The following GRK5 variants were observed in gnomAD, a reference collection of about 807,000 sequenced individuals.
The protein encoded by GRK5 is G protein-coupled receptor kinase 5, also known as g protein-coupled receptor kinase GRK5.
Under a neutral mutation model 78.4 loss-of-function variants are expected in GRK5, and 40 were observed. The ratio of observed to expected loss-of-function variants is 0.51; its 90% CI spans 0.40 to 0.66. The LOEUF (loss-of-function observed/expected upper bound fraction) is 0.66. Among genes scored for constraint, GRK5 ranks in the 30% least tolerant of loss-of-function variants. The probability of loss-of-function intolerance (pLI) is 0.00; values close to 1 mark genes in which losing one functional copy is unlikely to be tolerated. For synonymous variants in GRK5, 289 were observed against 296.8 expected, an observed-to-expected ratio of 0.97 and a Z score of 0.27; for missense variants, 598 against 759.9, an observed-to-expected ratio of 0.79 and a Z score of 2.50.
intron 4 of GRK5, among the ~76,000 whole-genome samples, chr10:119,402,200 G>A (rs992297818): frequency 2.6e-5 from 4 of 152,202 alleles, no homozygotes; most frequent in South Asian, 2.1e-4. Context: ...GGCTCCCTGC[G>A]TACATTCCCA....
At chr10:119,416,484 T>C (rs1190013124) in intron 4 of GRK5, among the ~76,000 whole-genome samples, 1 of 152,256 alleles carries the variant, frequency 6.6e-6, no homozygotes, top group African/African-American at 2.4e-5. Flanking sequence ...GTGCTGACTC[T>C]GTCCTCCAGG....
At chr10:119,371,777 C>T (rs888549301) in intron 2 of GRK5, among the ~76,000 whole-genome samples, 7 of 152,258 alleles carry the variant, frequency 4.6e-5, no homozygotes, top group Non-Finnish European at 1.0e-4. Context: ...TAAAACCCAT[C>T]ATTTCCTGAG....
rs565691898 is a variant in GRK5, at chr10:119,238,276, CG to C, written c.52+30313del. 1.5e-3 allele frequency among the ~76,000 whole-genome samples: 224 copies of C among 152,124 alleles called. No homozygotes were observed. Among genetic ancestry groups the C allele is most frequent in the African/African-American group, 5.3e-3 (219 of 41,494 alleles). ...TCCTGGGTGGAGGGTGGACGGGAAG[CG>C]GGGGGCCTTCTGCTGAAGATCTCAA... On this transcript the variant is annotated intron_variant, in intron 1 of 15. Coordinates refer to ENST00000392870, the MANE Select transcript of GRK5 (RefSeq NM_005308.3). This position sits in a 1 kb window ranked among gnomAD's most constrained non-coding sequence, Gnocchi z 4.7.
At chr10:119,453,333 T>C in intron 15 of GRK5, 57 bp downstream of exon 15, 1 of 1,602,918 alleles carries the variant, frequency 6.2e-7, no homozygotes, top group Non-Finnish European at 8.5e-7. Flanking sequence ...CTGGCTCACT[T>C]CCATGGGAAA....
intron 4 of GRK5, among the ~76,000 whole-genome samples, chr10:119,421,416 C>T (rs1011961283): frequency 1.3e-5 from 2 of 152,240 alleles, no homozygotes; most frequent in African/African-American, 2.4e-5. Context: ...CAGCTCCTTC[C>T]TGTTTCAGAG....
chr10:119,359,555 G>C (rs562760689), intron 2 of GRK5, among the ~76,000 whole-genome samples: 1 of 152,340 alleles, frequency 6.6e-6, no homozygotes, highest in Non-Finnish European at 1.5e-5. Flanking sequence ...TCAGAGCAAA[G>C]ACCTGCAGAG....
chr10:119,426,699 A>G (rs1420451600), intron 6 of GRK5, among the ~76,000 whole-genome samples: 1 of 152,092 alleles, frequency 6.6e-6, no homozygotes, highest in African/African-American at 2.4e-5. Flanking sequence ...CACCATCATC[A>G]GCATCACTGC....
Position 119,436,840 on chromosome 10 carries a change from C to T in GRK5, c.928C>T (p.Arg310Ter), listed in dbSNP as rs1467819775. 3 of 1,593,200 alleles carry T rather than the reference C, an allele frequency of 1.9e-6. No homozygotes were observed. The highest frequency in any genetic ancestry group is 2.6e-6 in the Non-Finnish European group (3 of 1,167,292). The change falls in exon 9 of 16, where the codon CGA (arginine) becomes TGA (stop). Residue 310 changes from arginine (R) to a stop codon, truncating the protein, a stop_gained and splice_region_variant. Coordinates refer to ENST00000392870, the MANE Select transcript of GRK5 (RefSeq NM_005308.3). LOFTEE classifies it high-confidence loss of function. Reference sequence around the variant, plus strand: ...CCTCCACCGTGAGAACACCGTCTACCGGTGAGTGGAAGGCACCAAGGACTT... The same window carrying T: ...CCTCCACCGTGAGAACACCGTCTACTGGTGAGTGGAAGGCACCAAGGACTT... ...EDLHRENTVY[R>*]DLKPENILLD...
chr10:119,222,398 T>C (rs1848668715), intron 1 of GRK5, among the ~76,000 whole-genome samples: 1 of 152,034 alleles, frequency 6.6e-6, no homozygotes, highest in Non-Finnish European at 1.5e-5. Context: ...CCTGTGCTGG[T>C]GTCAGTCCTC....
At chr10:119,297,074 G>A (rs1850093918) in intron 1 of GRK5, among the ~76,000 whole-genome samples, 1 of 152,226 alleles carries the variant, frequency 6.6e-6, no homozygotes, top group South Asian at 2.1e-4. Flanking sequence ...CTTCCAAAGG[G>A]ATTTGGTGTC....
rs1849462943 is a variant in GRK5 at position 119,264,535 on chromosome 10, C to T, written c.52+56566C>T. ...CTGTGTGTCCTTAAAGTTAGCTATC[C>T]CTCAGCAAGAAAGACCACCTCTCCC... On this transcript the variant is annotated intron_variant, in intron 1 of 15. Transcript: ENST00000392870. This position sits in a 1 kb window ranked among gnomAD's most constrained non-coding sequence, Gnocchi z 4.1. Among the ~76,000 whole-genome samples, 1 of 152,156 alleles carries T rather than the reference C, an allele frequency of 6.6e-6. No homozygotes were observed. The highest frequency in any genetic ancestry group is 1.5e-5 in the Non-Finnish European group (1 of 68,034).
chr10:119,276,123 T>C (rs928821036), intron 1 of GRK5, among the ~76,000 whole-genome samples: 1 of 152,202 alleles, frequency 6.6e-6, no homozygotes, highest in Non-Finnish European at 1.5e-5. Flanking sequence ...GAGTTTTTCT[T>C]TTTTTTATTA....
chr10:119,319,139 C>T (rs1564889542), intron 1 of GRK5, among the ~76,000 whole-genome samples: 1 of 152,182 alleles, frequency 6.6e-6, no homozygotes, highest in Non-Finnish European at 1.5e-5. Context: ...TCCTGCCCTG[C>T]CTTCCCCTTA....
intron 2 of GRK5, among the ~76,000 whole-genome samples, chr10:119,344,918 CT>C (rs1257421022): frequency 2.6e-4 from 38 of 144,410 alleles, no homozygotes; most frequent in African/African-American, 6.9e-4. Flanking sequence ...TCCTTCCTTC[CT>C]TCCTTCCTTC....
At chr10:119,385,496 G>T (rs1851779981) in intron 3 of GRK5, among the ~76,000 whole-genome samples, 1 of 152,146 alleles carries the variant, frequency 6.6e-6, no homozygotes, top group Non-Finnish European at 1.5e-5. Context: ...GGGCTGAGGT[G>T]GGAGCAGGGA....
rs564043154 is a variant in GRK5 at position 119,330,365 on chromosome 10, G to C, written c.148+3754G>C. Reference sequence around the variant, plus strand: ...TTCTTGTATCCTTGCATGGTGGGGCGGGGGAGGGAGGGAGGGAGAGAGAGA... The same window carrying C: ...TTCTTGTATCCTTGCATGGTGGGGCCGGGGAGGGAGGGAGGGAGAGAGAGA... On this transcript the variant is annotated intron_variant, in intron 2 of 15. Coordinates refer to ENST00000392870, the MANE Select transcript of GRK5 (RefSeq NM_005308.3). 6.8e-5 allele frequency: 10 copies of C among 146,892 alleles called. No homozygotes were observed. The East Asian group carries it at 1.8e-3, about 27-fold the overall frequency. The allele number at this position is 146,892 out of a possible 1,614,324, so 9.1% of individuals were successfully genotyped here.
rs1170967525 is a variant in GRK5, at chr10:119,394,905, TAAC to T, written c.262-1788_262-1786del. Among the ~76,000 whole-genome samples the T allele has an allele frequency of 1.4e-5, 2 of 143,420 alleles. 1 individual carries two copies. The highest frequency in any genetic ancestry group is 5.4e-4 in the East Asian group (2 of 3,704). The allele number at this position is 143,420 out of a possible 152,430, so 94.1% of individuals were successfully genotyped here. On this transcript the variant is annotated intron_variant, in intron 3 of 15. Coordinates refer to ENST00000392870, the MANE Select transcript of GRK5 (RefSeq NM_005308.3). ...CGACAGGGGGCACAGAGGAAGAAAA[TAAC>T]AGGAAAAAGTCAAGAAGAAAGAGCC...
chr10:119,220,720 G>A (rs1315341601), intron 1 of GRK5, among the ~76,000 whole-genome samples: 3 of 151,586 alleles, frequency 2.0e-5, no homozygotes, highest in African/African-American at 4.9e-5. Flanking sequence ...CTGTAATCTC[G>A]GCTACTTGGG....
chr10:119,373,115 C>T (rs1407420839), intron 2 of GRK5, among the ~76,000 whole-genome samples: 1 of 152,182 alleles, frequency 6.6e-6, no homozygotes, highest in Non-Finnish European at 1.5e-5. Context: ...GTCAGACTCA[C>T]GTGGAAAGTT....
Sources: gnomAD v4.1 joint callset for allele counts (sites outside exome capture counted in the v4.1 genomes callset) on GRCh38, gnomAD v4.1.1 for gene constraint, Gnocchi (gnomAD v3.1) non-coding constraint, MANE v1.5 for transcripts, NCBI Gene and HGNC (gene_info 2026-07-23, HGNC 2026-07-21) for gene names.